CSMD1: variants seen among roughly 807,000 people sequenced by gnomAD.
The protein encoded by CSMD1 is CUB and sushi domain-containing protein 1.
In CSMD1, 213 loss-of-function variants were observed where a neutral mutation model predicts 417.5. That is an observed-to-expected ratio of 0.51 (90% CI 0.46 to 0.57). The LOEUF is 0.57. Among genes scored for constraint, CSMD1 ranks in the 20% least tolerant of loss-of-function variants. The pLI, the probability that CSMD1 is intolerant of heterozygous loss-of-function variation, is 0.00. For missense variants in CSMD1, 6,923 were observed against 4,529.7 expected (o/e 1.53, Z -15.17); for synonymous variants, 2,862 against 1,736.8 (o/e 1.65, Z -16.11).
At position 4,627,968 on chromosome 8, in the gene CSMD1, G is replaced by A. The variant is rs575056225; in HGVS notation, c.302+9374C>T. Among the ~76,000 whole-genome samples, 6 of 150,106 alleles carry A rather than the reference G, an allele frequency of 4.0e-5. No homozygotes were observed. In the East Asian group the frequency reaches 8.0e-4, roughly 20 times the overall value. Reference sequence around the variant, plus strand: ...CTAGATTATACCTGTCAGATTCTAAGAGCAACTATCTCCCCACTGTGACAA... The same window carrying A: ...CTAGATTATACCTGTCAGATTCTAAAAGCAACTATCTCCCCACTGTGACAA... On this transcript the variant is annotated intron_variant, in intron 2 of 69. Transcript: ENST00000635120.
chr8:4,911,733 A>T (rs1805684898), intron 1 of CSMD1, among the ~76,000 whole-genome samples: 1 of 152,160 alleles, frequency 6.6e-6, no homozygotes, highest in Non-Finnish European at 1.5e-5. Context: ...CTAGCAAGGG[A>T]CTGGTAAATC....
At position 3,251,673 on chromosome 8, in the gene CSMD1, A is replaced by T. The variant is rs370070706; in HGVS notation, c.4154-21442T>A. On this transcript the variant is annotated intron_variant, in intron 26 of 69. Transcript: ENST00000635120. ...CTTGGGCAGCATGGGCATTTTCACA[A>T]TATTGATTCTTCCTACCCATGAGCA... 1.1e-4 allele frequency among the ~76,000 whole-genome samples: 16 copies of T among 152,264 alleles called. No individual in the cohort carries two copies. In the East Asian group the frequency reaches 2.1e-3, roughly 20 times the overall value.
At chr8:4,350,297 G>T (rs539489299) in intron 3 of CSMD1, among the ~76,000 whole-genome samples, 1 of 152,196 alleles carries the variant, frequency 6.6e-6, no homozygotes, top group Non-Finnish European at 1.5e-5. Context: ...TGACTGTGCT[G>T]TCTACTTGAG....
chr8:3,604,360 C>G (rs1801503795), intron 8 of CSMD1, among the ~76,000 whole-genome samples: 1 of 152,062 alleles, frequency 6.6e-6, no homozygotes, highest in South Asian at 2.1e-4. Context: ...GAACAGGTAC[C>G]TCATGGGGTG....
chr8:4,164,881 A>AG (rs1491587868), intron 3 of CSMD1, among the ~76,000 whole-genome samples: 1 of 52,258 alleles, frequency 1.9e-5, no homozygotes, highest in Non-Finnish European at 3.7e-5. Flanking sequence ...CATCTCAAAG[A>AG]AAAAAAAAAA....
chr8:4,235,752 T>C (rs1426668596), intron 3 of CSMD1, among the ~76,000 whole-genome samples: 4 of 152,168 alleles, frequency 2.6e-5, no homozygotes, highest in African/African-American at 7.2e-5. Flanking sequence ...GAGGAAAAAA[T>C]GTGTCCCCCA....
chr8:4,724,467 G>A (rs1809279653), intron 1 of CSMD1, among the ~76,000 whole-genome samples: 1 of 151,288 alleles, frequency 6.6e-6, no homozygotes, highest in Non-Finnish European at 1.5e-5. Context: ...TTACTTATAA[G>A]TAGCTGGGAG....
At chr8:3,941,377 G>C (rs370576976) in intron 5 of CSMD1, among the ~76,000 whole-genome samples, 2 of 151,990 alleles carry the variant, frequency 1.3e-5, no homozygotes, top group East Asian at 1.9e-4. Flanking sequence ...TAATTTTCAA[G>C]TAATTTTTGA....
At chr8:4,060,209 T>C (rs1417494042) in intron 3 of CSMD1, among the ~76,000 whole-genome samples, 10 of 144,258 alleles carry the variant, frequency 6.9e-5, no homozygotes, top group Admixed American at 2.2e-4. Context: ...ATTATTTCAA[T>C]AGATGCAGAA....
intron 2 of CSMD1, among the ~76,000 whole-genome samples, chr8:4,618,189 G>A (rs1004609597): frequency 6.6e-6 from 1 of 152,074 alleles, no homozygotes; most frequent in Non-Finnish European, 1.5e-5. Flanking sequence ...ATGTGCATGT[G>A]ACCAACAATT....
intron 3 of CSMD1, among the ~76,000 whole-genome samples, chr8:4,275,920 T>C (rs914785733): frequency 6.6e-6 from 1 of 152,186 alleles, no homozygotes; most frequent in Non-Finnish European, 1.5e-5. Flanking sequence ...ATTGTTTAAA[T>C]GATACTTTGT....
chr8:3,078,823 C>T (rs929413480), intron 49 of CSMD1, among the ~76,000 whole-genome samples: 1 of 152,152 alleles, frequency 6.6e-6, no homozygotes. Flanking sequence ...TTCTGCTTGA[C>T]AGCCAACCAA....
intron 1 of CSMD1, among the ~76,000 whole-genome samples, chr8:4,727,738 T>A (rs1195225880): frequency 6.6e-6 from 1 of 151,904 alleles, no homozygotes; most frequent in Non-Finnish European, 1.5e-5. Context: ...TTTCCTCTTT[T>A]TCTTCTCTGA....
chr8:4,386,074 G>C (rs891775294), intron 3 of CSMD1, among the ~76,000 whole-genome samples: 4 of 151,876 alleles, frequency 2.6e-5, no homozygotes, highest in African/African-American at 7.3e-5. Context: ...ATACCTTCTT[G>C]TGTTTGCTCT....
intron 3 of CSMD1, among the ~76,000 whole-genome samples, chr8:4,164,844 C>T (rs1475524162): frequency 6.7e-6 from 1 of 150,050 alleles, no homozygotes; most frequent in Non-Finnish European, 1.5e-5. Flanking sequence ...CCACTGCACT[C>T]CAAGCCTGAG....
chr8:2,986,527 G>C (rs1805925659), intron 54 of CSMD1, among the ~76,000 whole-genome samples: 1 of 151,926 alleles, frequency 6.6e-6, no homozygotes, highest in African/African-American at 2.4e-5. Context: ...TTTTGAGACA[G>C]AGTCTCACTC....
intron 4 of CSMD1, among the ~76,000 whole-genome samples, chr8:4,004,707 C>A (rs541298065): frequency 6.6e-6 from 1 of 151,952 alleles, no homozygotes; most frequent in East Asian, 1.9e-4. Context: ...CAAAGTTGAC[C>A]TGGATGAGAT....
At chr8:4,136,666 G>A (rs1309049726) in intron 3 of CSMD1, among the ~76,000 whole-genome samples, 1 of 151,946 alleles carries the variant, frequency 6.6e-6, no homozygotes, top group Non-Finnish European at 1.5e-5. Context: ...TCCTCTTATT[G>A]TCTCACAAGT....
intron 3 of CSMD1, among the ~76,000 whole-genome samples, chr8:4,251,869 G>A (rs1249290617): frequency 6.7e-6 from 1 of 150,072 alleles, no homozygotes; most frequent in South Asian, 2.1e-4. Context: ...AGGAGAGAGA[G>A]GGTGGAGGAA....
Sources: allele counts gnomAD v4.1 joint callset (sites outside exome capture counted in the v4.1 genomes callset), GRCh38; gene constraint gnomAD v4.1.1; transcripts MANE v1.5; gene names NCBI Gene and HGNC (gene_info 2026-07-23, HGNC 2026-07-21).